Variants in ACOX1 observed in about 807,000 individuals in gnomAD.
The protein encoded by ACOX1 is peroxisomal acyl-coenzyme A oxidase 1.
A neutral mutation model predicts 75.5 loss-of-function variants in ACOX1; 41 were observed. That is an observed-to-expected ratio of 0.54 (90% CI 0.42 to 0.70). ACOX1 has a LOEUF of 0.70. ACOX1 is among the 30% of genes least tolerant of loss of function. The pLI, the probability that ACOX1 is intolerant of heterozygous loss-of-function variation, is 0.00. For missense variants in ACOX1, 630 were observed against 837.5 expected (o/e 0.75, Z 3.06); for synonymous variants, 303 against 298.8 (o/e 1.01, Z -0.15).
rs766056646 is a variant in ACOX1, at chr17:75,948,487, C to CATAT, written c.1729-34_1729-31dup. 3 of 1,549,854 alleles carry CATAT rather than the reference C, an allele frequency of 1.9e-6. No individual in the cohort carries two copies. In the Admixed American group the frequency reaches 5.0e-5, roughly 26 times the overall value. ...AAGAGACCAAAATAAGTAAATAAAACATATATATGTATATAGATAGACATA... is the reference window on the plus strand; with the variant it reads ...AAGAGACCAAAATAAGTAAATAAAACATATATATATATGTATATAGATAGACATA... On this transcript the variant is annotated intron_variant, in intron 12 of 13. Transcript: ENST00000293217.
intron 2 of ACOX1, among the ~76,000 whole-genome samples, chr17:75,970,184 C>CGAAAAAAAAAAAAAAAA (rs2065979999): frequency 1.4e-5 from 1 of 69,094 alleles, no homozygotes; most frequent in Non-Finnish European, 2.8e-5. Context: ...GAGACTCCTT[C>CGAAAAAAAAAAAAAAAA]AAAAAAAAAA....
rs1367522457 is a variant in ACOX1, at chr17:75,941,934, CTAAAA to C, written c.*4809_*4813del. ...TCAAAACATATTTTGGTTCAGAATTCTAAAAAATCCCGAATTTTCCATGATCTTCC... is the reference window on the plus strand; with the variant it reads ...TCAAAACATATTTTGGTTCAGAATTCAATCCCGAATTTTCCATGATCTTCC... On this transcript the variant is annotated 3_prime_UTR_variant, in exon 14 of 14. Transcript: ENST00000293217. 6.6e-6 allele frequency: 1 copy of C among 152,158 alleles called. No individual in the cohort carries two copies. Among genetic ancestry groups the C allele is most frequent in the Non-Finnish European group, 1.5e-5 (1 of 68,024 alleles). 9.4% of individuals were successfully genotyped at this position (152,158 alleles called of 1,614,324 possible). A position where few individuals can be genotyped will look rare whatever the true frequency, so the allele number is the denominator to read the frequency against.
intron 2 of ACOX1, among the ~76,000 whole-genome samples, chr17:75,970,198 A>AAAAAAAAAAAAAAG (rs796156539): frequency 6.6e-6 from 1 of 151,490 alleles, no homozygotes; most frequent in African/African-American, 2.4e-5. Context: ...AAAAAAAAAA[A>AAAAAAAAAAAAAAG]AAAGAGGAAG....
Position 75,957,497 on chromosome 17 carries a change from C to G in ACOX1, c.500G>C (p.Ser167Thr). 1 of 1,614,132 alleles carries G rather than the reference C, an allele frequency of 6.2e-7. No homozygotes were observed. The highest frequency in any genetic ancestry group is 8.5e-7 in the Non-Finnish European group (1 of 1,180,012). ...DPETQEFILN[S>T]PTVTSIKWWP... ...CCATTTAATGGAGGTCACAGTAGGACTGTTGAGAATGAACTCCTGGGTTTC... is the reference window on the plus strand; with the variant it reads ...CCATTTAATGGAGGTCACAGTAGGAGTGTTGAGAATGAACTCCTGGGTTTC... Residue 167 changes from serine to threonine, a missense_variant, in exon 4 of 14, where the codon AGT becomes ACT. Ser to Thr is a moderately conservative substitution (Grantham distance 58). This residue lies in a region of ACOX1 where 390 missense variants were observed against 574.9 expected (regional missense o/e 0.68). Transcript: ENST00000293217.
chr17:75,958,619 T>G (rs1360625940), intron 3 of ACOX1, among the ~76,000 whole-genome samples: 1 of 151,610 alleles, frequency 6.6e-6, no homozygotes, highest in African/African-American at 2.4e-5. Context: ...CCATCCTGGT[T>G]AACACGGCGA....
At chr17:75,970,107 C>T (rs1225034054) in intron 2 of ACOX1, among the ~76,000 whole-genome samples, 1 of 146,026 alleles carries the variant, frequency 6.8e-6, no homozygotes, top group Non-Finnish European at 1.5e-5. Flanking sequence ...ATCACTTCAA[C>T]CAGGGGGAGG....
Position 75,949,874 on chromosome 17 carries a change from T to C in ACOX1, c.1322A>G (p.Gln441Arg). The C allele has an allele frequency of 6.2e-7, 1 of 1,614,232 alleles. No homozygotes were observed. Among genetic ancestry groups the C allele is most frequent in the Non-Finnish European group, 8.5e-7 (1 of 1,180,034 alleles). The change falls in exon 10 of 14, where the codon CAG (glutamine) becomes CGG (arginine). Residue 441 changes from glutamine (Q) to arginine (R), a missense_variant. Coordinates refer to ENST00000293217, the MANE Select transcript of ACOX1 (RefSeq NM_004035.7). The stretch of plus-strand genomic sequence containing the variant: ...ACACACCAACTTTCCTGAGTGCACC[T>C]GATCATAACTTTTCATCAGGAACCT... Reference protein sequence around the residue: ...TARFLMKSYDQVHSGKLVCGM... With the variant: ...TARFLMKSYDRVHSGKLVCGM...
chr17:75,978,082 C>CTTTATTTATTTATTTATTTATTTA lies in ACOX1; in HGVS notation c.269+428_269+451dup, dbSNP rs149370934. Among the ~76,000 whole-genome samples the CTTTATTTATTTATTTATTTATTTA allele has an allele frequency of 5.8e-4, 88 of 151,512 alleles. 1 individual carries two copies. The highest frequency in any genetic ancestry group is 2.1e-4 in the South Asian group (1 of 4,812). On this transcript the variant is annotated intron_variant, in intron 2 of 13. Transcript: ENST00000293217. This position sits in a 1 kb window ranked among gnomAD's most constrained non-coding sequence, Gnocchi z 4.2. Reference sequence around the variant, plus strand: ...ATCACATTATTTTTCACACATATAACTTTATTTATTTATTTATTTATTTAT... The same window carrying CTTTATTTATTTATTTATTTATTTA: ...ATCACATTATTTTTCACACATATAACTTTATTTATTTATTTATTTATTTATTTATTTATTTATTTATTTATTTAT...
At chr17:75,973,784 GT>G in intron 2 of ACOX1, 1 of 1,614,048 alleles carries the variant, frequency 6.2e-7, no homozygotes, top group Non-Finnish European at 8.5e-7. Flanking sequence ...ACCAAATGTA[GT>G]CTACAGGAGA....
At position 75,953,513 on chromosome 17, in the gene ACOX1, A is replaced by G; in HGVS notation, c.882T>C (p.Ser294=). ...FLVGEAARAL[S]KACTIAIRYS... ...ATCGGATGGCAATGGTGCACGCCTT[A>G]GACAGAGCCCGAGCAGCTTCTCCCA... is the stretch of plus-strand genomic sequence containing the variant. Residue 294 remains serine (S), a synonymous_variant, in exon 7 of 14, where the codon TCT becomes TCC. Coordinates refer to ENST00000293217, the MANE Select transcript of ACOX1 (RefSeq NM_004035.7). 1 of 1,614,172 alleles carries G rather than the reference A, an allele frequency of 6.2e-7. No homozygotes were observed. Among genetic ancestry groups the G allele is most frequent in the Non-Finnish European group, 8.5e-7 (1 of 1,180,018 alleles).
intron 2 of ACOX1, among the ~76,000 whole-genome samples, chr17:75,962,018 T>C (rs1365786960): frequency 6.6e-6 from 1 of 152,198 alleles, no homozygotes; most frequent in Non-Finnish European, 1.5e-5. Flanking sequence ...ATAATGCTTC[T>C]AGGCTGGGAT....
In ACOX1 at chr17:75,945,557, C is replaced by A. The variant is rs543521916; in HGVS notation, c.*1191G>T. The A allele has an allele frequency of 4.6e-4, 70 of 152,666 alleles. No homozygotes were observed. The highest frequency in any genetic ancestry group is 1.6e-3 in the African/African-American group (68 of 41,258). 9.5% of individuals were successfully genotyped at this position (152,666 alleles called of 1,614,324 possible). ...GCATATGGCGTAGATTAAAAAAAAA[C>A]AAAACAAAGTGACTTACATTGACTT... On this transcript the variant is annotated 3_prime_UTR_variant, in exon 14 of 14. Transcript: ENST00000293217.
chr17:75,956,006 T>C, intron 4 of ACOX1, 59 bp from the exon 5 acceptor site: 1 of 1,607,778 alleles, frequency 6.2e-7, no homozygotes. Context: ...TTTTAAAGGG[T>C]AGAAAAAAGA....
intron 2 of ACOX1, among the ~76,000 whole-genome samples, chr17:75,967,902 G>C (rs1157640726): frequency 6.7e-6 from 1 of 149,840 alleles, no homozygotes; most frequent in Admixed American, 6.7e-5. Flanking sequence ...ACCACTCCCA[G>C]CTAATTTTTA....
At chr17:75,974,666 T>C (rs1210041471) in intron 2 of ACOX1, among the ~76,000 whole-genome samples, 1 of 152,146 alleles carries the variant, frequency 6.6e-6, no homozygotes, top group African/African-American at 2.4e-5. Context: ...GAGCAGAGCA[T>C]GAACTAAAGG....
intron 2 of ACOX1, among the ~76,000 whole-genome samples, chr17:75,963,307 T>A (rs1306293044): frequency 1.3e-5 from 2 of 152,066 alleles, no homozygotes; most frequent in Non-Finnish European, 2.9e-5. Context: ...GAAATGGCAC[T>A]TGTACCCCCT....
intron 4 of ACOX1, 67 bp downstream of exon 4, chr17:75,957,392 T>A (rs2065843395): frequency 7.1e-7 from 1 of 1,406,534 alleles, no homozygotes; most frequent in African/African-American, 1.4e-5. Context: ...ATAAAAGCTC[T>A]ACATTCTAAG....
intron 13 of ACOX1, among the ~76,000 whole-genome samples, chr17:75,947,883 C>CT (rs1405576930): frequency 6.6e-6 from 1 of 151,752 alleles, no homozygotes; most frequent in African/African-American, 2.4e-5. Flanking sequence ...TGCCTGGCTG[C>CT]TTTTTTTGTA....
Position 75,960,167 on chromosome 17 carries a change from G to A in ACOX1, c.430+48C>T, listed in dbSNP as rs1352293283. On this transcript the variant is annotated intron_variant, in intron 3 of 13. Coordinates refer to ENST00000293217, the MANE Select transcript of ACOX1 (RefSeq NM_004035.7). The surrounding 1 kb of genome is among the most constrained non-coding windows in gnomAD (Gnocchi z 4.4). The stretch of plus-strand genomic sequence containing the variant: ...ATGGTGGGCACTCCACACATGGTAA[G>A]CTCACAGGGGCCCGCCCAACCCAGA... The A allele has an allele frequency of 1.2e-6, 2 of 1,611,550 alleles. No homozygotes were observed. The highest frequency in any genetic ancestry group is 1.3e-5 in the African/African-American group (1 of 74,902).
Sources: gnomAD v4.1 joint callset for allele counts (sites outside exome capture counted in the v4.1 genomes callset) on GRCh38, gnomAD v4.1.1 for gene constraint, gnomAD v4.1.1 regional missense constraint, Gnocchi (gnomAD v3.1) non-coding constraint, MANE v1.5 for transcripts, NCBI Gene and HGNC (gene_info 2026-07-23, HGNC 2026-07-21) for gene names.